VAV3: variants seen among roughly 807,000 people sequenced by gnomAD.
VAV3 encodes vav guanine nucleotide exchange factor 3, also known as guanine nucleotide exchange factor VAV3.
A neutral mutation model predicts 131.2 loss-of-function variants in VAV3; 94 were observed. The observed-to-expected ratio is 0.72, with a 90% CI of 0.61 to 0.85. VAV3 has a LOEUF of 0.85. Ranked by LOEUF, VAV3 falls within the 40% of genes least tolerant of loss-of-function variation. The pLI, the probability that VAV3 is intolerant of heterozygous loss-of-function variation, is 0.00. For synonymous variants in VAV3, 349 were observed against 342.0 expected, an observed-to-expected ratio of 1.02 and a Z score of -0.22; for missense variants, 939 against 1,002.7, an observed-to-expected ratio of 0.94 and a Z score of 0.86.
At chr1:107,674,130 T>G (rs913931984) in intron 19 of VAV3, among the ~76,000 whole-genome samples, 1 of 152,252 alleles carries the variant, frequency 6.6e-6, no homozygotes, top group African/African-American at 2.4e-5. Flanking sequence ...ATATATTGAT[T>G]CAAATAGTTA....
At position 107,749,448 on chromosome 1, in the gene VAV3, T is replaced by C. The variant is rs1314528192; in HGVS notation, c.1392+14A>G. On this transcript the variant is annotated intron_variant, in intron 14 of 26. Coordinates refer to ENST00000370056, the MANE Select transcript of VAV3 (RefSeq NM_006113.5). Reference sequence around the variant, plus strand: ...TTATAAGTAAATTACAGTTATTAGTTTCCAAAAAGTCACCTTTTTGTTTTC... The same window carrying C: ...TTATAAGTAAATTACAGTTATTAGTCTCCAAAAAGTCACCTTTTTGTTTTC... 6.3e-7 allele frequency: 1 copy of C among 1,585,508 alleles called. No homozygotes were observed.
chr1:107,960,199 A>C (rs1675017010), intron 1 of VAV3, among the ~76,000 whole-genome samples: 1 of 152,162 alleles, frequency 6.6e-6, no homozygotes, highest in African/African-American at 2.4e-5. Context: ...TGGGCGTGGC[A>C]GCTCATGCCT....
chr1:107,869,456 T>G (rs576663030), intron 2 of VAV3, among the ~76,000 whole-genome samples: 1 of 152,250 alleles, frequency 6.6e-6, no homozygotes, highest in African/African-American at 2.4e-5. Flanking sequence ...TAAGAGTACT[T>G]ACCTTGGACC....
chr1:107,761,127 C>T (rs991532347), intron 9 of VAV3, among the ~76,000 whole-genome samples: 24 of 152,260 alleles, frequency 1.6e-4, no homozygotes, highest in African/African-American at 4.8e-4. Context: ...CGGTGGCTCA[C>T]GCCTGTAATC....
chr1:107,930,129 A>G (rs538859773), intron 1 of VAV3, among the ~76,000 whole-genome samples: 4 of 152,120 alleles, frequency 2.6e-5, no homozygotes, highest in South Asian at 2.1e-4. Flanking sequence ...CAAGCACAAC[A>G]GGGTGACTGT....
chr1:107,603,418 AC>A (rs1652019862), intron 22 of VAV3, among the ~76,000 whole-genome samples: 1 of 152,220 alleles, frequency 6.6e-6, no homozygotes, highest in African/African-American at 2.4e-5. Context: ...TAAATGGGAC[AC>A]AGAGGAGTCA....
chr1:107,737,076 A>G (rs1392007233), intron 15 of VAV3, among the ~76,000 whole-genome samples: 1 of 152,222 alleles, frequency 6.6e-6, no homozygotes, highest in Non-Finnish European at 1.5e-5. Flanking sequence ...CTGATCTTTG[A>G]CAATCCTGAC....
chr1:107,734,949 A>T (rs547033015), intron 15 of VAV3, among the ~76,000 whole-genome samples: 17 of 152,334 alleles, frequency 1.1e-4, no homozygotes, highest in South Asian at 2.1e-4. Context: ...TTGACCACAT[A>T]GTTGGAAGTA....
intron 19 of VAV3, among the ~76,000 whole-genome samples, chr1:107,666,473 C>T (rs1342487149): frequency 6.6e-6 from 1 of 152,050 alleles, no homozygotes; most frequent in Non-Finnish European, 1.5e-5. Flanking sequence ...TCTGTGATGT[C>T]TGGACCAGGA....
At chr1:107,634,075 C>T (rs1431846280) in intron 20 of VAV3, among the ~76,000 whole-genome samples, 2 of 152,018 alleles carry the variant, frequency 1.3e-5, no homozygotes, top group Non-Finnish European at 2.9e-5. Flanking sequence ...CAATGCCATC[C>T]CCATCAAGCT....
At chr1:107,734,672 T>C (rs1662475585) in intron 15 of VAV3, among the ~76,000 whole-genome samples, 1 of 152,176 alleles carries the variant, frequency 6.6e-6, no homozygotes, top group South Asian at 2.1e-4. Context: ...ATCCTAAATA[T>C]ATATGCACCC....
intron 15 of VAV3, among the ~76,000 whole-genome samples, chr1:107,745,731 T>C (rs1663302249): frequency 6.6e-6 from 1 of 152,216 alleles, no homozygotes. Context: ...GCAATAATTT[T>C]AAATAAAAAT....
At chr1:107,823,210 C>T (rs963603487) in intron 2 of VAV3, among the ~76,000 whole-genome samples, 1 of 152,160 alleles carries the variant, frequency 6.6e-6, no homozygotes, top group Non-Finnish European at 1.5e-5. Flanking sequence ...TGATGACAGA[C>T]ATGAGGGAAT....
chr1:107,714,988 G>A (rs1249231819), intron 15 of VAV3, among the ~76,000 whole-genome samples: 1 of 152,112 alleles, frequency 6.6e-6, no homozygotes, highest in Admixed American at 6.5e-5. Context: ...TGAATGAAAT[G>A]TAAAGTCAGT....
chr1:107,687,948 A>T (rs1659148125), intron 18 of VAV3, among the ~76,000 whole-genome samples: 1 of 152,202 alleles, frequency 6.6e-6, no homozygotes, highest in Non-Finnish European at 1.5e-5. Context: ...TTTCTGCTCT[A>T]ATGGAAAAGT....
At chr1:107,614,518 A>C (rs1027269613) in intron 21 of VAV3, among the ~76,000 whole-genome samples, 4 of 152,110 alleles carry the variant, frequency 2.6e-5, no homozygotes, top group Non-Finnish European at 5.9e-5. Context: ...AGTAAAATTT[A>C]AAGTAGCTAC....
chr1:107,952,982 T>C (rs1238815943), intron 1 of VAV3, among the ~76,000 whole-genome samples: 7 of 152,216 alleles, frequency 4.6e-5, no homozygotes. Context: ...TCATTTTAAA[T>C]AGAACAACTT....
intron 20 of VAV3, among the ~76,000 whole-genome samples, chr1:107,621,580 A>C (rs1431414355): frequency 6.6e-6 from 1 of 152,044 alleles, no homozygotes; most frequent in East Asian, 1.9e-4. Context: ...AGTGCACTTT[A>C]TGTGATGATA....
At position 107,716,974 on chromosome 1, in the gene VAV3, T is replaced by C. The variant is rs1030311278; in HGVS notation, c.1503-11913A>G. The stretch of plus-strand genomic sequence containing the variant: ...TTCCTAGTTTAGTCTTGGGAGGGAG[T>C]ATCTGTCCAGGAATTTATCCATTTC... On this transcript the variant is annotated intron_variant, in intron 15 of 26. Coordinates refer to ENST00000370056, the MANE Select transcript of VAV3 (RefSeq NM_006113.5). 7.9e-5 allele frequency among the ~76,000 whole-genome samples: 12 copies of C among 152,278 alleles called. No homozygotes were observed. In the East Asian group the frequency reaches 2.1e-3, roughly 27 times the overall value.
Sources: allele counts gnomAD v4.1 joint callset (sites outside exome capture counted in the v4.1 genomes callset), GRCh38; gene constraint gnomAD v4.1.1; transcripts MANE v1.5; gene names NCBI Gene and HGNC (gene_info 2026-07-23, HGNC 2026-07-21).